The following PXDNL variants were observed in gnomAD, a reference collection of about 807,000 sequenced individuals.
The protein encoded by PXDNL is probable oxidoreductase PXDNL.
A neutral mutation model predicts 150.8 loss-of-function variants in PXDNL; 145 were observed. The observed-to-expected ratio is 0.96, with a 90% CI of 0.84 to 1.10. The LOEUF (loss-of-function observed/expected upper bound fraction) is 1.10. Among genes scored for constraint, PXDNL ranks in the 50% least tolerant of loss-of-function variants. The probability of loss-of-function intolerance (pLI) is 0.00; values close to 1 mark genes in which losing one functional copy is unlikely to be tolerated. For synonymous variants in PXDNL, 757 were observed against 725.7 expected, an observed-to-expected ratio of 1.04 and a Z score of -0.69; for missense variants, 2,087 against 1,873.9, an observed-to-expected ratio of 1.11 and a Z score of -2.10.
chr8:51,690,233 A>G (rs553741969), intron 1 of PXDNL, among the ~76,000 whole-genome samples: 90 of 152,174 alleles, frequency 5.9e-4, no homozygotes, highest in Non-Finnish European at 1.0e-3. Context: ...GGTTAGTTAC[A>G]TATGTATACA....
chr8:51,485,519 A>C (rs948832350), intron 5 of PXDNL, among the ~76,000 whole-genome samples: 4 of 152,110 alleles, frequency 2.6e-5, no homozygotes, highest in Non-Finnish European at 4.4e-5. Context: ...ACCCCTTGAT[A>C]CCTGAAATTC....
At chr8:51,770,600 A>T (rs1037881960) in intron 1 of PXDNL, among the ~76,000 whole-genome samples, 1 of 152,132 alleles carries the variant, frequency 6.6e-6, no homozygotes, top group Non-Finnish European at 1.5e-5. Flanking sequence ...CTGTCTCTTG[A>T]TCAGAATGCA....
intron 1 of PXDNL, among the ~76,000 whole-genome samples, chr8:51,706,962 G>T (rs1816392609): frequency 1.3e-5 from 2 of 151,038 alleles, no homozygotes; most frequent in Non-Finnish European, 3.0e-5. Flanking sequence ...AAAAATGCTT[G>T]GATTCCAATG....
intron 18 of PXDNL, 130 bp downstream of exon 18, chr8:51,374,467 T>C (rs1276681912): frequency 2.4e-6 from 2 of 819,786 alleles, no homozygotes; most frequent in Admixed American, 2.8e-5. Context: ...TGTCACCTAA[T>C]GCTATCTGAT....
chr8:51,560,285 G>A (rs1036340820), intron 3 of PXDNL, among the ~76,000 whole-genome samples: 1 of 151,534 alleles, frequency 6.6e-6, no homozygotes, highest in African/African-American at 2.4e-5. Context: ...CATTTCAATG[G>A]CATTTTTTTT....
chr8:51,357,845 C>A (rs1394555874), intron 19 of PXDNL, among the ~76,000 whole-genome samples: 1 of 152,146 alleles, frequency 6.6e-6, no homozygotes, highest in African/African-American at 2.4e-5. Context: ...CCACAACATA[C>A]CTTTAAAGCT....
At chr8:51,770,395 G>A (rs2037280110) in intron 1 of PXDNL, among the ~76,000 whole-genome samples, 1 of 152,176 alleles carries the variant, frequency 6.6e-6, no homozygotes, top group Non-Finnish European at 1.5e-5. Context: ...AGCAAAAACG[G>A]GGCTCCAAGA....
At chr8:51,464,698 T>A (rs544343393) in intron 8 of PXDNL, among the ~76,000 whole-genome samples, 2 of 151,902 alleles carry the variant, frequency 1.3e-5, no homozygotes, top group Non-Finnish European at 2.9e-5. Context: ...GAGGGTAACA[T>A]CACACACCAG....
intron 2 of PXDNL, among the ~76,000 whole-genome samples, chr8:51,650,189 C>G (rs1315200130): frequency 6.7e-6 from 1 of 149,694 alleles, no homozygotes. Context: ...TTATTATATA[C>G]AGCAAAATAG....
intron 8 of PXDNL, among the ~76,000 whole-genome samples, chr8:51,460,881 C>T (rs1810062635): frequency 6.6e-6 from 1 of 152,176 alleles, no homozygotes; most frequent in Non-Finnish European, 1.5e-5. Flanking sequence ...CCATCTTGCT[C>T]TGAGTCACTC....
chr8:51,534,343 G>A (rs1200647895), intron 4 of PXDNL, among the ~76,000 whole-genome samples: 2 of 146,572 alleles, frequency 1.4e-5, no homozygotes, highest in Non-Finnish European at 3.0e-5. Flanking sequence ...ACCCCGTCCG[G>A]GAGGGAGGTG....
chr8:51,593,311 T>C lies in PXDNL; in HGVS notation c.237-613A>G, dbSNP rs567781385. On this transcript the variant is annotated intron_variant, in intron 2 of 22. Coordinates refer to ENST00000356297, the MANE Select transcript of PXDNL (RefSeq NM_144651.5). ...CTGAAAAATCAACTTGCAGTAACCT[T>C]GAAAGCTTCAGTAAAAGCACCCTGG... is the stretch of plus-strand genomic sequence containing the variant. Among the ~76,000 whole-genome samples, 4 of 152,304 alleles carry C rather than the reference T, an allele frequency of 2.6e-5. No homozygotes were observed. In the East Asian group the frequency reaches 7.7e-4, roughly 29 times the overall value.
At chr8:51,494,915 C>T (rs1440488759) in intron 5 of PXDNL, among the ~76,000 whole-genome samples, 1 of 152,102 alleles carries the variant, frequency 6.6e-6, no homozygotes, top group Non-Finnish European at 1.5e-5. Context: ...GAACTCGGCT[C>T]TGCACCAAGC....
chr8:51,405,199 C>A (rs548736901), intron 17 of PXDNL, among the ~76,000 whole-genome samples: 4 of 152,298 alleles, frequency 2.6e-5, no homozygotes, highest in African/African-American at 9.6e-5. Flanking sequence ...CCGGCTTCCG[C>A]CTGGGCCAGC....
At chr8:51,534,447 C>G in intron 4 of PXDNL, among the ~76,000 whole-genome samples, 1 of 109,864 alleles carries the variant, frequency 9.1e-6, no homozygotes, top group South Asian at 3.4e-4. Flanking sequence ...AGGAGCCCCT[C>G]TGCCCGGCCA....
At chr8:51,769,414 A>G (rs146705481) in intron 1 of PXDNL, among the ~76,000 whole-genome samples, 4 of 151,986 alleles carry the variant, frequency 2.6e-5, no homozygotes, top group Non-Finnish European at 5.9e-5. Flanking sequence ...ACCTGTCTCT[A>G]CTCTTACTCC....
intron 1 of PXDNL, among the ~76,000 whole-genome samples, chr8:51,683,748 C>T (rs1393795307): frequency 6.6e-6 from 1 of 152,144 alleles, no homozygotes; most frequent in Non-Finnish European, 1.5e-5. Context: ...TTCAGGCTGT[C>T]CTGAGTTTTA....
chr8:51,649,082 A>G (rs913101338), intron 2 of PXDNL, among the ~76,000 whole-genome samples: 22 of 152,342 alleles, frequency 1.4e-4, no homozygotes, highest in Non-Finnish European at 2.4e-4. Context: ...ACATTTCATC[A>G]TTAATTTTTA....
In PXDNL at chr8:51,319,995, TCTC is replaced by T. The variant is rs1367330917; in HGVS notation, c.4285_4287del (p.Glu1429del). The T allele has an allele frequency of 1.2e-5, 19 of 1,567,186 alleles. No individual in the cohort carries two copies. Among genetic ancestry groups the T allele is most frequent in the Non-Finnish European group, 1.6e-5 (19 of 1,157,276 alleles). Reference sequence around the variant, plus strand: ...CTGGGACAGGGAGCCGGGGGACAAATCTCCACCACACAGGTGACCTGGCCACTC... The same window carrying T: ...CTGGGACAGGGAGCCGGGGGACAAATCACCACACAGGTGACCTGGCCACTC... On this transcript the variant is annotated inframe_deletion, in exon 23 of 23. Coordinates refer to ENST00000356297, the MANE Select transcript of PXDNL (RefSeq NM_144651.5).
Sources: gnomAD v4.1 joint callset for allele counts (sites outside exome capture counted in the v4.1 genomes callset) on GRCh38, gnomAD v4.1.1 for gene constraint, MANE v1.5 for transcripts, NCBI Gene and HGNC (gene_info 2026-07-23, HGNC 2026-07-21) for gene names.